Variants in PTPN14 observed in about 807,000 individuals in gnomAD.
PTPN14 encodes the protein tyrosine-protein phosphatase non-receptor type 14.
A neutral mutation model predicts 126.8 loss-of-function variants in PTPN14; 53 were observed. The ratio of observed to expected loss-of-function variants is 0.42; its 90% confidence interval spans 0.34 to 0.53. The LOEUF is 0.53. PTPN14 is among the 20% of genes least tolerant of loss of function. The probability of loss-of-function intolerance (pLI) is 0.08; values close to 1 mark genes in which losing one functional copy is unlikely to be tolerated. For missense variants in PTPN14, 1,257 were observed against 1,552.9 expected, an observed-to-expected ratio of 0.81 and a Z score of 3.20; for synonymous variants, 630 against 599.3, an observed-to-expected ratio of 1.05 and a Z score of -0.75.
intron 1 of PTPN14, among the ~76,000 whole-genome samples, chr1:214,466,150 C>T (rs540439087): frequency 3.3e-5 from 5 of 151,296 alleles, no homozygotes; most frequent in South Asian, 4.2e-4. Context: ...TTAATAGAGC[C>T]GGGGTTTCAC....
rs1571944314 is a variant in PTPN14 at position 214,352,954 on chromosome 1, G to A, written c.*4968C>T. On this transcript the variant is annotated 3_prime_UTR_variant, in exon 19 of 19. Coordinates refer to ENST00000366956, the MANE Select transcript of PTPN14 (RefSeq NM_005401.5). ...AAGAGCCCAACAGTAATTATGTGGT[G>A]CTTCCGGAAATGTCTTACTCTAGGA... 2.6e-5 allele frequency: 4 copies of A among 152,258 alleles called. No individual in the cohort carries two copies. Among genetic ancestry groups the A allele is most frequent in the Admixed American group, 2.6e-4 (4 of 15,302 alleles). The allele number at this position is 152,258 out of a possible 1,614,324, so 9.4% of individuals were successfully genotyped here. A position where few individuals can be genotyped will look rare whatever the true frequency, so the allele number is the denominator to read the frequency against.
At chr1:214,540,761 C>T (rs1655816002) in intron 1 of PTPN14, among the ~76,000 whole-genome samples, 2 of 151,966 alleles carry the variant, frequency 1.3e-5, no homozygotes, top group Admixed American at 6.6e-5. Context: ...AAATCCACCA[C>T]CATAAAGCAA....
chr1:214,432,252 A>G (rs1422022980), intron 3 of PTPN14, among the ~76,000 whole-genome samples: 4 of 152,170 alleles, frequency 2.6e-5, no homozygotes, highest in African/African-American at 4.8e-5. Flanking sequence ...TGCTTTTATG[A>G]TTACTGATAT....
intron 18 of PTPN14, among the ~76,000 whole-genome samples, chr1:214,361,661 G>A (rs1657958154): frequency 6.6e-6 from 1 of 152,238 alleles, no homozygotes; most frequent in South Asian, 2.1e-4. Context: ...TGGCTACTGA[G>A]ATCCTGACCT....
At chr1:214,462,935 C>T (rs1313816823) in intron 2 of PTPN14, among the ~76,000 whole-genome samples, 1 of 152,100 alleles carries the variant, frequency 6.6e-6, no homozygotes, top group African/African-American at 2.4e-5. Context: ...ATACATTTTC[C>T]ATACAGGAAC....
At chr1:214,476,354 C>T (rs1660867898) in intron 1 of PTPN14, among the ~76,000 whole-genome samples, 1 of 152,198 alleles carries the variant, frequency 6.6e-6, no homozygotes, top group Non-Finnish European at 1.5e-5. Flanking sequence ...GATAAACATA[C>T]CTTGAGCTTG....
At chr1:214,511,264 C>G (rs17023126) in intron 1 of PTPN14, among the ~76,000 whole-genome samples, 4,655 of 152,212 alleles carry the variant, frequency 0.031, 123 homozygotes, top group African/African-American at 0.072. Context: ...CTTGAGAAGA[C>G]TTTCCCGTAC....
intron 1 of PTPN14, among the ~76,000 whole-genome samples, chr1:214,537,652 T>C (rs1333320877): frequency 6.6e-6 from 1 of 152,240 alleles, no homozygotes; most frequent in Non-Finnish European, 1.5e-5. Flanking sequence ...CTGCTGGTCA[T>C]CTAAGGTGTC....
chr1:214,410,426 G>A (rs1395123601), intron 5 of PTPN14, among the ~76,000 whole-genome samples: 1 of 151,864 alleles, frequency 6.6e-6, no homozygotes, highest in African/African-American at 2.4e-5. Context: ...CTGAGTAGCT[G>A]GGACTAGAGG....
At chr1:214,448,853 T>C (rs888336170) in intron 3 of PTPN14, among the ~76,000 whole-genome samples, 2 of 152,124 alleles carry the variant, frequency 1.3e-5, no homozygotes, top group African/African-American at 4.8e-5. Flanking sequence ...ACTGTATTCC[T>C]ACATTGAGCC....
intron 1 of PTPN14, chr1:214,532,683 G>A: frequency 6.2e-6 from 5 of 812,964 alleles, no homozygotes; most frequent in Non-Finnish European, 1.1e-5. Context: ...TTAGAGTCAA[G>A]TATGAGACAG....
At chr1:214,465,186 G>A (rs1660606446) in intron 1 of PTPN14, among the ~76,000 whole-genome samples, 1 of 152,172 alleles carries the variant, frequency 6.6e-6, no homozygotes, top group Admixed American at 6.5e-5. Context: ...GTTGAAGAAA[G>A]GAAGATTCAA....
chr1:214,372,122 T>C lies in PTPN14; in HGVS notation c.3036+589A>G, dbSNP rs1233931412. 2.0e-5 allele frequency: 3 copies of C among 152,630 alleles called. 1 individual carries two copies. The highest frequency in any genetic ancestry group is 4.4e-5 in the Non-Finnish European group (3 of 68,366). 9.5% of individuals were successfully genotyped at this position (152,630 alleles called of 1,614,324 possible). On this transcript the variant is annotated intron_variant, in intron 16 of 18. Coordinates refer to ENST00000366956, the MANE Select transcript of PTPN14 (RefSeq NM_005401.5). ...ACACCGACTGGATTGACTGGCAGTG[T>C]AGGCTGGTTTTTTATAACATCACAT...
At chr1:214,525,193 CA>C (rs1655356010) in intron 1 of PTPN14, among the ~76,000 whole-genome samples, 1 of 152,194 alleles carries the variant, frequency 6.6e-6, no homozygotes, top group African/African-American at 2.4e-5. Flanking sequence ...TTGCAGAGGG[CA>C]GTGGAGGTAC....
At chr1:214,387,674 C>CAAAAAA in intron 11 of PTPN14, among the ~76,000 whole-genome samples, 1 of 85,380 alleles carries the variant, frequency 1.2e-5, no homozygotes, top group Non-Finnish European at 2.3e-5. Context: ...AAGACTCCGT[C>CAAAAAA]AAAAAAAAAA....
Position 214,358,059 on chromosome 1 carries a change from A to G in PTPN14, c.3436-9T>C, listed in dbSNP as rs757247169. Reference sequence around the variant, plus strand: ...ATGGGCACTTCCACCTTCTGCAAGAAAAGAGAGAAAGCACAAGGTCCTGAG... The same window carrying G: ...ATGGGCACTTCCACCTTCTGCAAGAGAAGAGAGAAAGCACAAGGTCCTGAG... On this transcript the variant is annotated splice_polypyrimidine_tract_variant and intron_variant, in intron 18 of 18. Transcript: ENST00000366956. The G allele has an allele frequency of 1.2e-6, 2 of 1,612,494 alleles. No individual in the cohort carries two copies. Among genetic ancestry groups the G allele is most frequent in the Non-Finnish European group, 1.7e-6 (2 of 1,179,602 alleles).
chr1:214,445,573 T>G (rs1242895493), intron 3 of PTPN14, among the ~76,000 whole-genome samples: 1 of 150,034 alleles, frequency 6.7e-6, no homozygotes, highest in East Asian at 2.0e-4. Context: ...AACCACAAAA[T>G]TAAAAATTTT....
At chr1:214,390,458 T>A (rs1032720495) in intron 11 of PTPN14, among the ~76,000 whole-genome samples, 2 of 152,198 alleles carry the variant, frequency 1.3e-5, no homozygotes, top group Non-Finnish European at 2.9e-5. Flanking sequence ...ATTATGGAAG[T>A]GCTTTGGAAT....
chr1:214,536,833 G>A (rs1047437340), intron 1 of PTPN14, among the ~76,000 whole-genome samples: 3 of 152,092 alleles, frequency 2.0e-5, no homozygotes, highest in African/African-American at 7.2e-5. Context: ...AAGTAATTGT[G>A]GGTTTTGCCA....
Sources: gnomAD v4.1 joint callset for allele counts (sites outside exome capture counted in the v4.1 genomes callset) on GRCh38, gnomAD v4.1.1 for gene constraint, MANE v1.5 for transcripts, NCBI Gene and HGNC (gene_info 2026-07-23, HGNC 2026-07-21) for gene names.